The following HCRTR2 variants were observed in gnomAD, a reference collection of about 807,000 sequenced individuals.
The protein encoded by HCRTR2 is orexin receptor type 2.
Under a neutral mutation model 49.0 loss-of-function variants are expected in HCRTR2, and 22 were observed. The ratio of observed to expected loss-of-function variants is 0.45; its 90% CI spans 0.32 to 0.64. The LOEUF is 0.64. Ranked by LOEUF, HCRTR2 falls within the 30% of genes least tolerant of loss-of-function variation. The pLI is 0.04. For synonymous variants in HCRTR2, 236 were observed against 205.3 expected, an observed-to-expected ratio of 1.15 and a Z score of -1.28; for missense variants, 491 against 559.4, an observed-to-expected ratio of 0.88 and a Z score of 1.23.
chr6:55,270,303 A>G (rs1390050909), intron 4 of HCRTR2, among the ~76,000 whole-genome samples: 1 of 152,230 alleles, frequency 6.6e-6, no homozygotes, highest in East Asian at 1.9e-4. Context: ...CCTATACATG[A>G]ATATCATTTA....
intron 1 of HCRTR2, among the ~76,000 whole-genome samples, chr6:55,135,556 G>C (rs1279933779): frequency 6.6e-6 from 1 of 152,126 alleles, no homozygotes; most frequent in African/African-American, 2.4e-5. Flanking sequence ...GTTTGTGTTA[G>C]TTGGAGTTTG....
chr6:55,120,559 TTA>T, intron 1 of HCRTR2, among the ~76,000 whole-genome samples: 2 of 150,460 alleles, frequency 1.3e-5, no homozygotes, highest in African/African-American at 5.0e-5. Flanking sequence ...TCACTGTTTG[TTA>T]TTGTTGTATA....
chr6:55,244,428 T>C (rs187489574), intron 1 of HCRTR2, among the ~76,000 whole-genome samples: 1 of 152,074 alleles, frequency 6.6e-6, no homozygotes, highest in African/African-American at 2.4e-5. Context: ...TGCAATACTC[T>C]AGCTAATGGT....
In HCRTR2 at chr6:55,116,572, A is replaced by G. The variant is rs116535037; in HGVS notation, c.-378+10027A>G. Among the ~76,000 whole-genome samples the G allele has an allele frequency of 3.4e-3, 510 of 151,662 alleles. 3 individuals are homozygous for G. Among genetic ancestry groups the G allele is most frequent in the Non-Finnish European group, 5.7e-3 (383 of 67,706 alleles). ...GAATCACCAATTTGTGGTTAAAATT[A>G]AAAATATTTCTTCTTGAAATACCTA... On this transcript the variant is annotated intron_variant, in intron 1 of 7. Transcript: ENST00000615358.
At chr6:55,214,357 G>GATCTCACT (rs1765749217) in intron 1 of HCRTR2, among the ~76,000 whole-genome samples, 1 of 152,072 alleles carries the variant, frequency 6.6e-6, no homozygotes, top group African/African-American at 2.4e-5. Context: ...AAAAGATGGG[G>GATCTCACT]ATCTCACTTT....
At chr6:55,238,958 G>A (rs915816372) in intron 1 of HCRTR2, among the ~76,000 whole-genome samples, 1 of 152,090 alleles carries the variant, frequency 6.6e-6, no homozygotes, top group Non-Finnish European at 1.5e-5. Flanking sequence ...AATGCAAAAG[G>A]GTCAAAGAGA....
chr6:55,231,815 T>C (rs896837688), intron 1 of HCRTR2, among the ~76,000 whole-genome samples: 3 of 152,194 alleles, frequency 2.0e-5, no homozygotes, highest in Non-Finnish European at 4.4e-5. Flanking sequence ...TGTTTCTCTA[T>C]TTTTAATCAT....
intron 1 of HCRTR2, among the ~76,000 whole-genome samples, chr6:55,150,234 C>T (rs1175690663): frequency 6.6e-6 from 1 of 151,772 alleles, no homozygotes; most frequent in African/African-American, 2.4e-5. Context: ...GATTAGTAAA[C>T]ACCCAGGAAG....
intron 1 of HCRTR2, among the ~76,000 whole-genome samples, chr6:55,182,023 G>T (rs1410156605): frequency 2.0e-5 from 3 of 152,160 alleles, no homozygotes; most frequent in African/African-American, 4.8e-5. Flanking sequence ...GAATAGCTAG[G>T]CTATGCCATA....
intron 3 of HCRTR2, among the ~76,000 whole-genome samples, chr6:55,263,072 A>T (rs189372999): frequency 6.6e-6 from 1 of 152,030 alleles, no homozygotes; most frequent in East Asian, 1.9e-4. Flanking sequence ...TTTTAATAAA[A>T]GCATACACAC....
At chr6:55,269,438 G>A (rs1349437270) in intron 4 of HCRTR2, among the ~76,000 whole-genome samples, 1 of 152,052 alleles carries the variant, frequency 6.6e-6, no homozygotes, top group Non-Finnish European at 1.5e-5. Flanking sequence ...TAGGTTATGT[G>A]ATATTTTATA....
At chr6:55,197,466 C>G (rs1365317709) in intron 1 of HCRTR2, among the ~76,000 whole-genome samples, 3 of 152,116 alleles carry the variant, frequency 2.0e-5, no homozygotes, top group Admixed American at 6.6e-5. Context: ...ACACTAACCC[C>G]AATTCTATCT....
intron 4 of HCRTR2, among the ~76,000 whole-genome samples, chr6:55,274,909 G>T (rs1236766178): frequency 6.6e-6 from 1 of 152,020 alleles, no homozygotes; most frequent in African/African-American, 2.4e-5. Flanking sequence ...AACAAGATTG[G>T]AATTATTTAT....
Position 55,256,627 on chromosome 6 carries a change from C to CT in HCRTR2, c.646+1256dup, listed in dbSNP as rs1272961355. Among the ~76,000 whole-genome samples the CT allele has an allele frequency of 5.9e-5, 9 of 151,736 alleles. No homozygotes were observed. The South Asian group carries it at 6.3e-4, about 11-fold the overall frequency. Reference sequence around the variant, plus strand: ...TTACTTTTCCTTTTTAACATTCCAACTTTTTTTTGCTGTATTTTTCTCTGT... The same window carrying CT: ...TTACTTTTCCTTTTTAACATTCCAACTTTTTTTTTGCTGTATTTTTCTCTGT... On this transcript the variant is annotated intron_variant, in intron 3 of 6. Transcript: ENST00000370862.
intron 1 of HCRTR2, among the ~76,000 whole-genome samples, chr6:55,115,773 C>T (rs578158489): frequency 1.3e-5 from 2 of 151,578 alleles, no homozygotes; most frequent in Admixed American, 6.6e-5. Flanking sequence ...ATGATAATAG[C>T]TGAACCATGA....
chr6:55,165,162 C>CA (rs1206192342), intron 1 of HCRTR2, among the ~76,000 whole-genome samples: 1 of 151,880 alleles, frequency 6.6e-6, no homozygotes, highest in Non-Finnish European at 1.5e-5. Flanking sequence ...AGCATACCTA[C>CA]AGGATCTAGA....
At position 55,120,745 on chromosome 6, in the gene HCRTR2, G is replaced by T. The variant is rs1026343702; in HGVS notation, c.-378+14200G>T. Among the ~76,000 whole-genome samples, 6 of 151,900 alleles carry T rather than the reference G, an allele frequency of 3.9e-5. No individual in the cohort carries two copies. The South Asian group carries it at 1.2e-3, about 31-fold the overall frequency. On this transcript the variant is annotated intron_variant, in intron 1 of 7. Transcript: ENST00000615358. ...TCTTTCTATTTGAATACCATTTATT[G>T]CTTTCTCTTGTCTGATTGGCCTGGC...
At chr6:55,161,723 G>A (rs1764808431) in intron 1 of HCRTR2, among the ~76,000 whole-genome samples, 1 of 152,086 alleles carries the variant, frequency 6.6e-6, no homozygotes, top group Non-Finnish European at 1.5e-5. Context: ...AAATAAACTA[G>A]AAAACCTAGA....
chr6:55,130,386 G>T (rs576656148), intron 1 of HCRTR2, among the ~76,000 whole-genome samples: 48 of 145,228 alleles, frequency 3.3e-4, no homozygotes, highest in Non-Finnish European at 4.9e-4. Flanking sequence ...TTGTTGTTTT[G>T]TTTTTTTTTT....
Sources: gnomAD v4.1 joint callset for allele counts (sites outside exome capture counted in the v4.1 genomes callset) on GRCh38, gnomAD v4.1.1 for gene constraint, MANE v1.5 for transcripts, NCBI Gene and HGNC (gene_info 2026-07-23, HGNC 2026-07-21) for gene names.